UBR2: variants seen among roughly 807,000 people sequenced by gnomAD.
UBR2 encodes E3 ubiquitin-protein ligase UBR2.
Under a neutral mutation model 247.9 loss-of-function variants are expected in UBR2, and 92 were observed. That is an observed-to-expected ratio of 0.37 (90% CI 0.31 to 0.44). UBR2 has a LOEUF of 0.44. UBR2 is among the 20% of genes least tolerant of loss of function. The pLI, the probability that UBR2 is intolerant of heterozygous loss-of-function variation, is 1.00. For synonymous variants in UBR2, 672 were observed against 693.5 expected (o/e 0.97, Z 0.49); for missense variants, 1,613 against 2,112.6 (o/e 0.76, Z 4.64).
chr6:42,601,888 T>TAG (rs1562298369), intron 4 of UBR2, among the ~76,000 whole-genome samples: 7 of 93,328 alleles, frequency 7.5e-5, no homozygotes, highest in Non-Finnish European at 1.4e-4. Flanking sequence ...TTTTTTTTTT[T>TAG]TGATGGAGTT....
At chr6:42,600,347 A>G (rs1793279298) in intron 4 of UBR2, among the ~76,000 whole-genome samples, 1 of 48,160 alleles carries the variant, frequency 2.1e-5, no homozygotes, top group Admixed American at 1.9e-4. Context: ...ATATAATCAA[A>G]GAGCTAAAAT....
chr6:42,592,956 C>T (rs1332119661), intron 3 of UBR2, among the ~76,000 whole-genome samples: 3 of 150,930 alleles, frequency 2.0e-5, no homozygotes, highest in Non-Finnish European at 3.0e-5. Flanking sequence ...AGGCGGATCA[C>T]GAGGTCAGGA....
Position 42,608,909 on chromosome 6 carries a change from G to C in UBR2, c.864+2258G>C, listed in dbSNP as rs542168238. 9.9e-5 allele frequency among the ~76,000 whole-genome samples: 15 copies of C among 152,004 alleles called. No individual in the cohort carries two copies. In the South Asian group the frequency reaches 3.1e-3, roughly 32 times the overall value. On this transcript the variant is annotated intron_variant, in intron 7 of 46. Coordinates refer to ENST00000372901, the MANE Select transcript of UBR2 (RefSeq NM_001363705.2). ...AAAGATATATTTTTCTTTATAATTT[G>C]TATGTTTTATGACTTGTTTAAGAAA...
chr6:42,625,126 C>T (rs1034923266), intron 11 of UBR2, among the ~76,000 whole-genome samples: 1 of 152,110 alleles, frequency 6.6e-6, no homozygotes, highest in Non-Finnish European at 1.5e-5. Context: ...TTTGCAAAGG[C>T]ACTTTACTCA....
At chr6:42,570,129 A>C (rs2151899286) in intron 1 of UBR2, among the ~76,000 whole-genome samples, 1 of 152,348 alleles carries the variant, frequency 6.6e-6, no homozygotes, top group South Asian at 2.1e-4. Context: ...GACAGTCATA[A>C]ATTTTTCTTG....
At position 42,615,987 on chromosome 6, in the gene UBR2, A is replaced by T. The variant is rs746991233; in HGVS notation, c.1094-15A>T. The T allele has an allele frequency of 1.9e-6, 3 of 1,558,228 alleles. No homozygotes were observed. In the African/African-American group the frequency reaches 4.2e-5, roughly 22 times the overall value. ...GGGCGTGTCCTTATCTTATACCGTGATCTTTTTCTACAAGGTGCTAGGAGT... is the reference window on the plus strand; with the variant it reads ...GGGCGTGTCCTTATCTTATACCGTGTTCTTTTTCTACAAGGTGCTAGGAGT... On this transcript the variant is annotated splice_polypyrimidine_tract_variant and intron_variant, in intron 9 of 46. Coordinates refer to ENST00000372901, the MANE Select transcript of UBR2 (RefSeq NM_001363705.2).
At chr6:42,674,759 C>CAAA (rs571959083) in intron 38 of UBR2, among the ~76,000 whole-genome samples, 1 of 129,510 alleles carries the variant, frequency 7.7e-6, no homozygotes. Flanking sequence ...AGACCCCATC[C>CAAA]AAAAAAAAAA....
At chr6:42,587,107 A>G (rs1431346996) in intron 2 of UBR2, among the ~76,000 whole-genome samples, 2 of 152,118 alleles carry the variant, frequency 1.3e-5, no homozygotes, top group African/African-American at 4.8e-5. Flanking sequence ...GGCATGAGCC[A>G]CCATGCCCGG....
intron 14 of UBR2, among the ~76,000 whole-genome samples, chr6:42,636,214 G>A (rs1190745768): frequency 1.6e-5 from 2 of 127,864 alleles, no homozygotes; most frequent in African/African-American, 5.9e-5. Context: ...AGCTTACTCT[G>A]TTGCCCAGGC....
chr6:42,652,201 C>A, intron 24 of UBR2, 130 bp downstream of exon 24: 1 of 905,008 alleles, frequency 1.1e-6, no homozygotes, highest in Non-Finnish European at 1.7e-6. Context: ...GAATAACCTC[C>A]TATTCAGAGG....
chr6:42,589,124 G>A (rs1792491198), intron 2 of UBR2, among the ~76,000 whole-genome samples: 1 of 152,070 alleles, frequency 6.6e-6, no homozygotes, highest in Admixed American at 6.6e-5. Flanking sequence ...ACACCACTGT[G>A]CCTAGCTAAT....
At chr6:42,686,060 G>A (rs1486912641) in intron 44 of UBR2, among the ~76,000 whole-genome samples, 2 of 150,754 alleles carry the variant, frequency 1.3e-5, no homozygotes, top group African/African-American at 4.9e-5. Context: ...TGAGCAGCAT[G>A]TATTGTTATT....
chr6:42,675,330 A>G (rs11751656), intron 38 of UBR2, among the ~76,000 whole-genome samples: 9,421 of 152,258 alleles, frequency 0.062, 378 homozygotes, highest in Non-Finnish European at 0.09. Flanking sequence ...TAGTTTACCA[A>G]TAGGGAAACT....
rs1369645263 is a variant in UBR2, at chr6:42,673,797, T to C, written c.4093T>C (p.Cys1365Arg). 3 of 1,612,236 alleles carry C rather than the reference T, an allele frequency of 1.9e-6. No individual in the cohort carries two copies. The East Asian group carries it at 6.7e-5, about 36-fold the overall frequency. Reference sequence around the variant, plus strand: ...TTGCGTTGGTTTATTTTAGGATGACTGTCTTAGGTCATTGACGAGATTTGC... The same window carrying C: ...TTGCGTTGGTTTATTTTAGGATGACCGTCTTAGGTCATTGACGAGATTTGC... The part of the protein sequence containing the change: ...FGPLPCRLDD[C>R]LRSLTRFAAA... The change falls in exon 37 of 47, where the codon TGT becomes CGT. Residue 1365 changes from cysteine to arginine, a missense_variant. Around this residue, in one of 3 missense-constraint regions of UBR2, gnomAD observed 1,524 missense variants for 1,967.3 expected, o/e 0.77. Coordinates refer to ENST00000372901, the MANE Select transcript of UBR2 (RefSeq NM_001363705.2).
chr6:42,649,243 G>A (rs1362254493), intron 22 of UBR2, among the ~76,000 whole-genome samples: 1 of 152,172 alleles, frequency 6.6e-6, no homozygotes, highest in African/African-American at 2.4e-5. Flanking sequence ...CCTAACTTCA[G>A]ATGATCCAGC....
intron 11 of UBR2, among the ~76,000 whole-genome samples, chr6:42,620,997 A>G (rs1794963238): frequency 6.6e-6 from 1 of 151,652 alleles, no homozygotes; most frequent in South Asian, 2.1e-4. Flanking sequence ...GTTTGTTTGT[A>G]TTTTTAGTAG....
chr6:42,596,481 A>G (rs78746173), intron 4 of UBR2, among the ~76,000 whole-genome samples: 11,326 of 152,170 alleles, frequency 0.074, 525 homozygotes, highest in South Asian at 0.12. Context: ...TCACACCTAG[A>G]TATATACCCA....
chr6:42,689,748 GCTGAGGT>G lies in UBR2; in HGVS notation c.5126+79_5126+85del. On this transcript the variant is annotated intron_variant, in intron 46 of 46. Coordinates refer to ENST00000372901, the MANE Select transcript of UBR2 (RefSeq NM_001363705.2). The surrounding 1 kb of genome is among the most constrained non-coding windows in gnomAD (Gnocchi z 4.0). ...TGTGGTGACGTCCTGAGGGTGGAGG[GCTGAGGT>G]GGTTCTGGAAGAGGTGGCTGTGTTA... 7.7e-7 allele frequency: 1 copy of G among 1,299,636 alleles called. No individual in the cohort carries two copies. The highest frequency in any genetic ancestry group is 1.1e-6 in the Non-Finnish European group (1 of 898,620). 80.5% of individuals were successfully genotyped at this position (1,299,636 alleles called of 1,614,324 possible).
intron 15 of UBR2, among the ~76,000 whole-genome samples, chr6:42,638,620 A>T (rs1796250795): frequency 6.6e-6 from 1 of 152,210 alleles, no homozygotes; most frequent in Non-Finnish European, 1.5e-5. Flanking sequence ...TGAGCAACTG[A>T]ACTGTCAATC....
Sources: gnomAD v4.1 joint callset for allele counts (sites outside exome capture counted in the v4.1 genomes callset) on GRCh38, gnomAD v4.1.1 for gene constraint, gnomAD v4.1.1 regional missense constraint, Gnocchi (gnomAD v3.1) non-coding constraint, MANE v1.5 for transcripts, NCBI Gene and HGNC (gene_info 2026-07-23, HGNC 2026-07-21) for gene names.